MICU1: variants seen among roughly 807,000 people sequenced by gnomAD.
The protein encoded by MICU1 is mitochondrial calcium uptake 1.
Under a neutral mutation model 56.8 loss-of-function variants are expected in MICU1, and 45 were observed. The ratio of observed to expected loss-of-function variants is 0.79; its 90% CI spans 0.62 to 1.02. The LOEUF (loss-of-function observed/expected upper bound fraction) is 1.02. Ranked by LOEUF, MICU1 falls within the 50% of genes least tolerant of loss-of-function variation. MICU1 has a pLI of 0.00. For synonymous variants in MICU1, 186 were observed against 195.1 expected (o/e 0.95, Z 0.39); for missense variants, 504 against 587.1 (o/e 0.86, Z 1.46).
chr10:72,443,225 T>C (rs1451148224), intron 8 of MICU1, among the ~76,000 whole-genome samples: 2 of 152,200 alleles, frequency 1.3e-5, no homozygotes, highest in East Asian at 3.8e-4. Context: ...TTGTTTGTTT[T>C]TTCCTTGTAA....
chr10:72,555,979 TGC>T (rs1840149299), intron 3 of MICU1, among the ~76,000 whole-genome samples: 1 of 152,188 alleles, frequency 6.6e-6, no homozygotes, highest in African/African-American at 2.4e-5. Context: ...CCCAAGATAA[TGC>T]AAGTGACAGT....
At chr10:72,441,551 T>TA (rs35141740) in intron 8 of MICU1, among the ~76,000 whole-genome samples, 2,483 of 126,954 alleles carry the variant, frequency 0.02, 56 homozygotes, top group African/African-American at 0.055. Context: ...TTAAATTATT[T>TA]AAAAAAAAAA....
At chr10:72,555,917 G>A (rs969960988) in intron 3 of MICU1, among the ~76,000 whole-genome samples, 3 of 152,138 alleles carry the variant, frequency 2.0e-5, no homozygotes, top group Non-Finnish European at 4.4e-5. Flanking sequence ...CCAGTTTTAT[G>A]GCTTAATTTT....
intron 9 of MICU1, among the ~76,000 whole-genome samples, chr10:72,421,016 A>AAATAAT (rs1554865352): frequency 7.3e-5 from 9 of 124,124 alleles, no homozygotes; most frequent in East Asian, 2.1e-4. Context: ...AAAAAAAAAA[A>AAATAAT]AATAATAATA....
chr10:72,590,303 A>G (rs1454448476), intron 1 of MICU1, among the ~76,000 whole-genome samples: 1 of 152,208 alleles, frequency 6.6e-6, no homozygotes, highest in Non-Finnish European at 1.5e-5. Flanking sequence ...AGTTTACAAG[A>G]GACAAAAAAG....
At chr10:72,380,459 C>T (rs1387357089) in intron 10 of MICU1, among the ~76,000 whole-genome samples, 1 of 152,104 alleles carries the variant, frequency 6.6e-6, no homozygotes, top group East Asian at 1.9e-4. Context: ...TGTCAGGTCC[C>T]CAATTTACTC....
chr10:72,469,959 T>C (rs1409249324), intron 8 of MICU1, among the ~76,000 whole-genome samples: 1 of 152,180 alleles, frequency 6.6e-6, no homozygotes, highest in Non-Finnish European at 1.5e-5. Context: ...AGCCCACTCT[T>C]ACCCCTCATT....
At chr10:72,405,253 C>T (rs1564848971) in intron 10 of MICU1, among the ~76,000 whole-genome samples, 5 of 151,552 alleles carry the variant, frequency 3.3e-5, no homozygotes. Flanking sequence ...GAGTTTCGCT[C>T]TTGTCGCCCA....
intron 1 of MICU1, among the ~76,000 whole-genome samples, chr10:72,597,780 T>C (rs888120627): frequency 6.6e-6 from 1 of 152,202 alleles, no homozygotes; most frequent in African/African-American, 2.4e-5. Flanking sequence ...ACAAAAGATA[T>C]ATTGCAGCTG....
intron 9 of MICU1, among the ~76,000 whole-genome samples, chr10:72,411,418 C>A (rs1294003004): frequency 6.6e-6 from 1 of 151,862 alleles, no homozygotes; most frequent in Admixed American, 6.6e-5. Flanking sequence ...AGTTCCGCCT[C>A]CCGGGTTCAC....
chr10:72,532,112 T>C (rs1839503458), intron 5 of MICU1, among the ~76,000 whole-genome samples: 2 of 151,916 alleles, frequency 1.3e-5, no homozygotes, highest in Admixed American at 1.3e-4. Context: ...GGTCAGGAGA[T>C]TGAGACCATC....
At chr10:72,422,199 AAG>A (rs921384466) in intron 9 of MICU1, among the ~76,000 whole-genome samples, 56 of 152,306 alleles carry the variant, frequency 3.7e-4, no homozygotes, top group African/African-American at 1.3e-3. Flanking sequence ...AAGAAACACA[AAG>A]AGATTTCTCC....
At chr10:72,520,948 C>G (rs1352917219) in intron 5 of MICU1, among the ~76,000 whole-genome samples, 2 of 152,028 alleles carry the variant, frequency 1.3e-5, no homozygotes, top group African/African-American at 2.4e-5. Context: ...GCAGGGGAAT[C>G]TATGTTTTAT....
intron 1 of MICU1, among the ~76,000 whole-genome samples, chr10:72,578,851 C>T (rs368891419): frequency 2.6e-5 from 4 of 152,240 alleles, no homozygotes; most frequent in Admixed American, 1.3e-4. Context: ...GTGATCCATC[C>T]GCCTTGGCCT....
chr10:72,441,615 CTTTT>C (rs71018287), intron 8 of MICU1, among the ~76,000 whole-genome samples: 5 of 105,470 alleles, frequency 4.7e-5, no homozygotes, highest in Non-Finnish European at 5.4e-5. Context: ...TTTAATTTTT[CTTTT>C]TTTTTTTTTT....
In MICU1 at chr10:72,551,805, A is replaced by G. The variant is rs560859604; in HGVS notation, c.331-464T>C. On this transcript the variant is annotated intron_variant, in intron 3 of 11. Transcript: ENST00000361114. ...TTTAACATTCTCTTTTTTAAAAATTATCTTTATTTTTGTAGTGAGAGGGTC... is the reference window on the plus strand; with the variant it reads ...TTTAACATTCTCTTTTTTAAAAATTGTCTTTATTTTTGTAGTGAGAGGGTC... Among the ~76,000 whole-genome samples the G allele has an allele frequency of 2.6e-5, 4 of 152,184 alleles. No individual in the cohort carries two copies. In the East Asian group the frequency reaches 5.8e-4, roughly 22 times the overall value.
At chr10:72,578,218 C>T (rs535190521) in intron 1 of MICU1, among the ~76,000 whole-genome samples, 1 of 152,202 alleles carries the variant, frequency 6.6e-6, no homozygotes, top group South Asian at 2.1e-4. Context: ...AAAGGACTGT[C>T]ACTTGCTAAA....
intron 1 of MICU1, among the ~76,000 whole-genome samples, chr10:72,595,608 A>G (rs544311544): frequency 6.6e-6 from 1 of 152,118 alleles, no homozygotes; most frequent in Non-Finnish European, 1.5e-5. Flanking sequence ...AATCTAAACA[A>G]CCACTTCTTC....
At chr10:72,615,431 G>A (rs1841952767) in intron 1 of MICU1, among the ~76,000 whole-genome samples, 1 of 152,078 alleles carries the variant, frequency 6.6e-6, no homozygotes, top group Non-Finnish European at 1.5e-5. Flanking sequence ...CTGTGCTGTG[G>A]TATTAAATCT....
Sources: allele counts gnomAD v4.1 joint callset (sites outside exome capture counted in the v4.1 genomes callset), GRCh38; gene constraint gnomAD v4.1.1; transcripts MANE v1.5; gene names NCBI Gene and HGNC (gene_info 2026-07-23, HGNC 2026-07-21).